CPT2: variants seen among roughly 807,000 people sequenced by gnomAD.
The protein encoded by CPT2 is carnitine O-palmitoyltransferase 2, mitochondrial.
CPT2 carries 37 observed loss-of-function variants against 48.6 expected under a neutral mutation model. That is an observed-to-expected ratio of 0.76 (90% CI 0.59 to 1.00). The LOEUF (loss-of-function observed/expected upper bound fraction) is 1.00. Among genes scored for constraint, CPT2 ranks in the 50% least tolerant of loss-of-function variants. CPT2 has a pLI of 0.00. For synonymous variants in CPT2, 319 were observed against 326.9 expected (o/e 0.98, Z 0.26); for missense variants, 772 against 825.6 (o/e 0.94, Z 0.80).
intron 3 of CPT2, chr1:53,202,942 C>T (rs61526763): frequency 1.8e-5 from 3 of 170,524 alleles, no homozygotes; most frequent in Non-Finnish European, 3.9e-5. Context: ...GTGAAACCTT[C>T]TCAGTCCTTT....
rs1488175615 is a variant in CPT2, at chr1:53,210,652, C to T, written c.978C>T (p.Cys326=). Reference sequence around the variant, plus strand: ...TGGACTCGGCAGTGTTCTGTCTCTGCCTAGATGACTTCCCCATTAAGGACC... The same window carrying T: ...TGGACTCGGCAGTGTTCTGTCTCTGTCTAGATGACTTCCCCATTAAGGACC... ...RKVDSAVFCL[C]LDDFPIKDLV... Residue 326 remains cysteine (C), a synonymous_variant, in exon 4 of 5, where the codon TGC becomes TGT. Transcript: ENST00000371486. The T allele has an allele frequency of 6.2e-7, 1 of 1,614,168 alleles. No homozygotes were observed. Among genetic ancestry groups the T allele is most frequent in the Non-Finnish European group, 8.5e-7 (1 of 1,180,044 alleles).
At chr1:53,199,620 A>G (rs1183042805) in intron 1 of CPT2, among the ~76,000 whole-genome samples, 2 of 152,206 alleles carry the variant, frequency 1.3e-5, no homozygotes, top group Non-Finnish European at 2.9e-5. Context: ...AATCTTAAAC[A>G]TATGTAGGCA....
At chr1:53,197,493 C>T (rs150750397) in intron 1 of CPT2, 32 of 303,432 alleles carry the variant, frequency 1.1e-4, no homozygotes, top group African/African-American at 6.8e-4. Flanking sequence ...CCTCACATTC[C>T]TACCCGGAAT....
At position 53,210,493 on chromosome 1, in the gene CPT2, G is replaced by A. The variant is rs754375091; in HGVS notation, c.819G>A (p.Leu273=). The part of the protein sequence containing the change: ...IVSPSEIQAH[L]KYILSDSSPA... ...GCCCCTCGGAAATCCAGGCACATCT[G>A]AAGTACATTCTCTCAGACAGCAGCC... Residue 273 remains leucine (L), a synonymous_variant, in exon 4 of 5, where the codon CTG becomes CTA. Transcript: ENST00000371486. The A allele has an allele frequency of 6.2e-7, 1 of 1,613,974 alleles. No homozygotes were observed. Among genetic ancestry groups the A allele is most frequent in the Non-Finnish European group, 8.5e-7 (1 of 1,180,050 alleles).
chr1:53,207,132 A>G (rs569436531), intron 3 of CPT2, among the ~76,000 whole-genome samples: 21 of 152,306 alleles, frequency 1.4e-4, no homozygotes, highest in African/African-American at 4.8e-4. Context: ...GCTGCTGTGT[A>G]AGATGTGCCT....
chr1:53,199,291 C>T (rs185443824), intron 1 of CPT2, among the ~76,000 whole-genome samples: 17 of 152,260 alleles, frequency 1.1e-4, no homozygotes, highest in Non-Finnish European at 2.5e-4. Flanking sequence ...AATCTCCTGA[C>T]CTCAAGTGAT....
chr1:53,211,681 C>A (rs1175920268), intron 4 of CPT2: 2 of 300,672 alleles, frequency 6.7e-6, no homozygotes, highest in Non-Finnish European at 1.2e-5. Flanking sequence ...CTCACTGCAA[C>A]CTCCACCCCC....
intron 3 of CPT2, among the ~76,000 whole-genome samples, chr1:53,206,426 C>T (rs547451468): frequency 1.2e-4 from 18 of 152,312 alleles, no homozygotes; most frequent in African/African-American, 4.1e-4. Context: ...GATCCACCGA[C>T]AGTTTGCACC....
chr1:53,204,454 TTC>T (rs1482817795), intron 3 of CPT2: 1 of 152,184 alleles, frequency 6.6e-6, no homozygotes, highest in Admixed American at 6.5e-5. Context: ...TTAAGATCTC[TTC>T]TCTCTTCATA....
chr1:53,203,301 TC>T (rs1342541489), intron 3 of CPT2: 8 of 152,260 alleles, frequency 5.3e-5, no homozygotes, highest in African/African-American at 1.7e-4. Flanking sequence ...TACACATACT[TC>T]CTATCCCCTT....
At chr1:53,201,325 C>T (rs1277041572) in intron 2 of CPT2, 6 of 173,168 alleles carry the variant, frequency 3.5e-5, no homozygotes, top group Admixed American at 3.3e-4. Flanking sequence ...GACTGGTGTC[C>T]TTGTAAGAAG....
chr1:53,198,497 G>A (rs1267552706), intron 1 of CPT2, among the ~76,000 whole-genome samples: 1 of 152,224 alleles, frequency 6.6e-6, no homozygotes, highest in African/African-American at 2.4e-5. Flanking sequence ...TTGTGCCTGT[G>A]GCATAAGCCT....
intron 3 of CPT2, among the ~76,000 whole-genome samples, chr1:53,206,524 A>G (rs1645390880): frequency 6.6e-6 from 1 of 152,222 alleles, no homozygotes; most frequent in Non-Finnish European, 1.5e-5. Context: ...GGGCAGGGCT[A>G]CCAAAGGCCT....
At position 53,200,813 on chromosome 1, in the gene CPT2, A is replaced by C. The variant is rs1376199258; in HGVS notation, c.233+14A>C. On this transcript the variant is annotated intron_variant, in intron 2 of 4. Coordinates refer to ENST00000371486, the MANE Select transcript of CPT2 (RefSeq NM_000098.3). ...TGGCCAGTTCAGGTAAACACTGAGA[A>C]CCTTGGGTGAGCATAGTTGGGGTGG... is the stretch of plus-strand genomic sequence containing the variant. 1 of 1,600,782 alleles carries C rather than the reference A, an allele frequency of 6.2e-7. No homozygotes were observed. The highest frequency in any genetic ancestry group is 8.6e-7 in the Non-Finnish European group (1 of 1,167,854).
chr1:53,212,371 A>T (rs988682446), intron 4 of CPT2, among the ~76,000 whole-genome samples: 1 of 151,946 alleles, frequency 6.6e-6, no homozygotes, highest in Admixed American at 6.6e-5. Context: ...CCTAATTTTT[A>T]AAATTTTTTG....
intron 4 of CPT2, chr1:53,211,555 A>T: frequency 1.9e-6 from 1 of 537,862 alleles, no homozygotes; most frequent in Non-Finnish European, 3.3e-6. Flanking sequence ...CTTTGTCCTC[A>T]TTTAAGGTCA....
rs144760921 is a variant in CPT2 at position 53,210,174 on chromosome 1, G to A, written c.500G>A (p.Arg167Gln). The change falls in exon 4 of 5, where the codon CGG becomes CAG. Residue 167 changes from arginine (R) to glutamine (Q), a missense_variant. Arg to Gln is a conservative substitution (Grantham distance 43, BLOSUM62 1). Coordinates refer to ENST00000371486, the MANE Select transcript of CPT2 (RefSeq NM_000098.3). The part of the protein sequence containing the change: ...VSAIRFLKTL[R>Q]AGLLEPEVFH... Reference sequence around the variant, plus strand: ...GCCATCCGGTTTCTGAAGACACTCCGGGCTGGCCTTCTGGAGCCAGAAGTG... The same window carrying A: ...GCCATCCGGTTTCTGAAGACACTCCAGGCTGGCCTTCTGGAGCCAGAAGTG... 2.7e-4 allele frequency: 441 copies of A among 1,614,064 alleles called. No homozygotes were observed. The highest frequency in any genetic ancestry group is 4.5e-4 in the Admixed American group (27 of 60,000).
intron 3 of CPT2, chr1:53,209,700 C>G: frequency 2.9e-6 from 1 of 347,346 alleles, no homozygotes; most frequent in South Asian, 2.5e-5. Context: ...CGCTTCAATC[C>G]GGGAGGCGGA....
chr1:53,211,500 C>A, intron 4 of CPT2, 181 bp downstream of exon 4: 1 of 616,048 alleles, frequency 1.6e-6, no homozygotes, highest in Non-Finnish European at 2.9e-6. Context: ...CACTAGGGAT[C>A]AGAATGTTCT....
Sources: allele counts gnomAD v4.1 joint callset (sites outside exome capture counted in the v4.1 genomes callset), GRCh38; gene constraint gnomAD v4.1.1; transcripts MANE v1.5; gene names NCBI Gene and HGNC (gene_info 2026-07-23, HGNC 2026-07-21).